GRHL1: variants seen among roughly 807,000 people sequenced by gnomAD.
GRHL1 encodes the protein grainyhead like transcription factor 1, also known as grainyhead-like protein 1 homolog.
Under a neutral mutation model 75.7 loss-of-function variants are expected in GRHL1, and 38 were observed. The observed-to-expected ratio is 0.50, with a 90% confidence interval of 0.39 to 0.66. The LOEUF (loss-of-function observed/expected upper bound fraction) is 0.66. GRHL1 is among the 30% of genes least tolerant of loss of function. The pLI, the probability that GRHL1 is intolerant of heterozygous loss-of-function variation, is 0.00. For synonymous variants in GRHL1, 266 were observed against 279.4 expected (o/e 0.95, Z 0.48); for missense variants, 589 against 767.5 (o/e 0.77, Z 2.75).
At chr2:9,998,807 T>C (rs544996869) in intron 14 of GRHL1, among the ~76,000 whole-genome samples, 158 bp from the exon 15 acceptor site, 1 of 66,926 alleles carries the variant, frequency 1.5e-5, no homozygotes, top group African/African-American at 9.9e-5. Flanking sequence ...CACATATATA[T>C]ACGTATATAT....
At chr2:9,969,890 T>C (rs4482455) in intron 8 of GRHL1, among the ~76,000 whole-genome samples, 55,483 of 143,736 alleles carry the variant, frequency 0.39, 12,617 homozygotes, top group African/African-American at 0.61. Context: ...TCGCCCAGGC[T>C]GGACTGCAGT....
chr2:9,980,994 T>C (rs186773206), intron 8 of GRHL1, among the ~76,000 whole-genome samples: 1 of 152,258 alleles, frequency 6.6e-6, no homozygotes, highest in Non-Finnish European at 1.5e-5. Flanking sequence ...TGAACAGCCC[T>C]GTGGTCTTGC....
chr2:9,994,520 A>T (rs1051222596), intron 12 of GRHL1, among the ~76,000 whole-genome samples: 2 of 152,032 alleles, frequency 1.3e-5, no homozygotes, highest in Non-Finnish European at 2.9e-5. Context: ...TTAAACCGTC[A>T]TACTGGGGAC....
At chr2:9,965,492 C>G (rs995142919) in intron 8 of GRHL1, 111 bp downstream of exon 8, 2 of 644,966 alleles carry the variant, frequency 3.1e-6, no homozygotes, top group East Asian at 5.3e-5. Flanking sequence ...GTTTCATTCT[C>G]AGGTGTTATG....
chr2:9,951,893 G>T lies in GRHL1; in HGVS notation c.20+40G>T. 2 of 1,380,242 alleles carry T rather than the reference G, an allele frequency of 1.4e-6. No homozygotes were observed. 85.5% of individuals were successfully genotyped at this position (1,380,242 alleles called of 1,614,324 possible). A position where few individuals can be genotyped will look rare whatever the true frequency, so the allele number is the denominator to read the frequency against. On this transcript the variant is annotated intron_variant, in intron 1 of 15. Transcript: ENST00000324907. This position sits in a 1 kb window ranked among gnomAD's most constrained non-coding sequence, Gnocchi z 4.2. ...GGAGTCCGGCCGCCGCGGGGGGGCC[G>T]CGCTGAGGGGCCGCACCTGCAGCGA...
chr2:9,963,385 C>T (rs1667354774), intron 5 of GRHL1, among the ~76,000 whole-genome samples: 1 of 152,128 alleles, frequency 6.6e-6, no homozygotes, highest in Non-Finnish European at 1.5e-5. Flanking sequence ...GAGCCGTGGC[C>T]TGGGAAGGTT....
chr2:9,960,929 G>A (rs1667241913), intron 3 of GRHL1, 117 bp from the exon 4 acceptor site: 1 of 721,076 alleles, frequency 1.4e-6, no homozygotes, highest in Non-Finnish European at 2.3e-6. Flanking sequence ...GATGTTTTCT[G>A]TTTATTCTGT....
At chr2:9,953,848 T>G (rs564177201) in intron 1 of GRHL1, among the ~76,000 whole-genome samples, 2 of 152,348 alleles carry the variant, frequency 1.3e-5, no homozygotes, top group South Asian at 4.1e-4. Context: ...TCAATTTGCT[T>G]GTTAGAATTG....
In GRHL1 at chr2:9,999,027, G is replaced by C. The variant is rs1233980038; in HGVS notation, c.1740G>C (p.Lys580Asn). Residue 580 changes from lysine to asparagine, a missense_variant and splice_region_variant, in exon 15 of 16, where the codon AAG becomes AAC. Lys to Asn is a moderately conservative substitution (Grantham distance 94). Transcript: ENST00000324907. ...KIGKIFKKCKKGILVNMDDNI... is the reference protein window; with the variant it reads ...KIGKIFKKCKNGILVNMDDNI... The stretch of plus-strand genomic sequence containing the variant: ...GGAAAATATTCAAGAAGTGTAAAAA[G>C]GGGTAAGCAGCCACTGCGTCCTGTG... 6.4e-7 allele frequency: 1 copy of C among 1,550,660 alleles called. No homozygotes were observed. The highest frequency in any genetic ancestry group is 8.8e-7 in the Non-Finnish European group (1 of 1,136,962).
chr2:9,963,257 A>G lies in GRHL1; in HGVS notation c.747-629A>G, dbSNP rs1667348877. Among the ~76,000 whole-genome samples, 2 of 152,182 alleles carry G rather than the reference A, an allele frequency of 1.3e-5. 1 individual carries two copies. Among genetic ancestry groups the G allele is most frequent in the South Asian group, 4.1e-4 (2 of 4,822 alleles). On this transcript the variant is annotated intron_variant, in intron 5 of 15. Transcript: ENST00000324907. Reference sequence around the variant, plus strand: ...GCTTTGTGGGCCATACAACCTCTGTATATTTTTGCAACTACCCCGGTCTGC... The same window carrying G: ...GCTTTGTGGGCCATACAACCTCTGTGTATTTTTGCAACTACCCCGGTCTGC...
intron 4 of GRHL1, 73 bp from the exon 5 acceptor site, chr2:9,962,382 G>A (rs753320929): frequency 2.5e-5 from 21 of 826,458 alleles, no homozygotes; most frequent in East Asian, 2.5e-4. Context: ...ACTTTTATGC[G>A]GTACCAGAGC....
intron 8 of GRHL1, among the ~76,000 whole-genome samples, chr2:9,980,474 G>A (rs917037994): frequency 2.6e-5 from 4 of 151,856 alleles, no homozygotes; most frequent in Non-Finnish European, 4.4e-5. Flanking sequence ...TAAATTCTTG[G>A]TCAGGAATGA....
Position 9,990,893 on chromosome 2 carries a change from GCCTCTTCCT to G in GRHL1, c.1321+148_1321+156del. ...TCTTCCTGTTCTGCAGTGTGGCACT[GCCTCTTCCT>G]CAGATCAGCAGCAGATGCCAGCTCA... On this transcript the variant is annotated intron_variant, in intron 10 of 15. Coordinates refer to ENST00000324907, the MANE Select transcript of GRHL1 (RefSeq NM_198182.3). The surrounding 1 kb of genome is among the most constrained non-coding windows in gnomAD (Gnocchi z 4.2). The G allele has an allele frequency of 5.1e-6, 3 of 590,766 alleles. No individual in the cohort carries two copies. The highest frequency in any genetic ancestry group is 9.1e-6 in the Non-Finnish European group (3 of 329,666). 36.6% of individuals were successfully genotyped at this position (590,766 alleles called of 1,614,324 possible).
chr2:9,963,478 A>G (rs1667358074), intron 5 of GRHL1, among the ~76,000 whole-genome samples: 1 of 152,228 alleles, frequency 6.6e-6, no homozygotes, highest in Non-Finnish European at 1.5e-5. Context: ...TGCCTATTAA[A>G]GACATTTAAA....
chr2:9,992,164 C>A lies in GRHL1; in HGVS notation c.1461+18C>A. 1 of 1,602,864 alleles carries A rather than the reference C, an allele frequency of 6.2e-7. No individual in the cohort carries two copies. ...GCACTCATGTAGGTAACCAGGATCC[C>A]AGGGGAGGTTACCAGGAAGGAAGGC... On this transcript the variant is annotated intron_variant, in intron 11 of 15. Transcript: ENST00000324907. The surrounding 1 kb of genome is among the most constrained non-coding windows in gnomAD (Gnocchi z 4.6).
rs1669224762 is a variant in GRHL1, at chr2:10,000,587, A to AT, written c.1743-5dup. ...AAGTTGGTTGGTCTTGTCCCCCCCC[A>AT]TCCAGGATCCTGGTGAACATGGACG... is the stretch of plus-strand genomic sequence containing the variant. On this transcript the variant is annotated splice_polypyrimidine_tract_variant and splice_region_variant and intron_variant, in intron 15 of 15. Coordinates refer to ENST00000324907, the MANE Select transcript of GRHL1 (RefSeq NM_198182.3). The AT allele has an allele frequency of 6.3e-7, 1 of 1,577,236 alleles. No homozygotes were observed. Among genetic ancestry groups the AT allele is most frequent in the Non-Finnish European group, 8.7e-7 (1 of 1,147,326 alleles).
chr2:9,983,887 T>G (rs1401092481), intron 8 of GRHL1, among the ~76,000 whole-genome samples: 2 of 150,996 alleles, frequency 1.3e-5, no homozygotes, highest in Admixed American at 1.3e-4. Flanking sequence ...CCGGGAGTGG[T>G]GACTCACACC....
intron 15 of GRHL1, among the ~76,000 whole-genome samples, chr2:10,000,295 A>G (rs941039954): frequency 6.6e-6 from 1 of 152,200 alleles, no homozygotes; most frequent in African/African-American, 2.4e-5. Flanking sequence ...CCAAGTGACA[A>G]CTATGAAATA....
Position 9,951,863 on chromosome 2 carries a change from G to GCGCAGGAGTCCGGCCGC in GRHL1, c.20+14_20+30dup. On this transcript the variant is annotated intron_variant, in intron 1 of 15. Coordinates refer to ENST00000324907, the MANE Select transcript of GRHL1 (RefSeq NM_198182.3). The surrounding 1 kb of genome is among the most constrained non-coding windows in gnomAD (Gnocchi z 4.2). ...CACAGGAGTACGACAAGTGAGTGAG[G>GCGCAGGAGTCCGGCCGC]CGCAGGAGTCCGGCCGCCGCGGGGG... 1 of 1,475,356 alleles carries GCGCAGGAGTCCGGCCGC rather than the reference G, an allele frequency of 6.8e-7. No individual in the cohort carries two copies. Among genetic ancestry groups the GCGCAGGAGTCCGGCCGC allele is most frequent in the Non-Finnish European group, 9.1e-7 (1 of 1,104,558 alleles). The allele number at this position is 1,475,356 out of a possible 1,614,324, so 91.4% of individuals were successfully genotyped here. A position where few individuals can be genotyped will look rare whatever the true frequency, so the allele number is the denominator to read the frequency against.
Sources: gnomAD v4.1 joint callset for allele counts (sites outside exome capture counted in the v4.1 genomes callset) on GRCh38, gnomAD v4.1.1 for gene constraint, Gnocchi (gnomAD v3.1) non-coding constraint, MANE v1.5 for transcripts, NCBI Gene and HGNC (gene_info 2026-07-23, HGNC 2026-07-21) for gene names.